Variants in DMD observed in about 807,000 individuals in gnomAD.
The protein encoded by DMD is dystrophin, also known as mutant dystrophin.
DMD carries 63 observed loss-of-function variants against 330.1 expected under a neutral mutation model. The observed-to-expected ratio is 0.19, with a 90% CI of 0.16 to 0.24. The LOEUF (loss-of-function observed/expected upper bound fraction) is 0.24, where lower values mean the gene tolerates loss of function less well. Among genes scored for constraint, DMD ranks in the 10% least tolerant of loss-of-function variants. The pLI, the probability that DMD is intolerant of heterozygous loss-of-function variation, is 1.00. For synonymous variants in DMD, 1,223 were observed against 959.8 expected, an observed-to-expected ratio of 1.27 and a Z score of -5.07; for missense variants, 3,344 against 2,684.1, an observed-to-expected ratio of 1.25 and a Z score of -5.43.
At position 33,249,149 on chromosome X, in the gene DMD, T is replaced by A. The variant is rs753823158; in HGVS notation, c.7+90110A>T. ...CTTTATTATCGCTCAAATTTATTTA[T>A]TTTTATTTATTTATTTTTGAGATGG... On this transcript the variant is annotated intron_variant, in intron 1 of 17. Coordinates refer to the DMD transcript ENST00000288447. Among the ~76,000 whole-genome samples, 5 of 112,418 alleles carry A rather than the reference T, an allele frequency of 4.4e-5. No homozygotes were observed. The South Asian group carries it at 1.8e-3, about 41-fold the overall frequency.
intron 41 of DMD, among the ~76,000 whole-genome samples, chrX:32,321,271 A>C (rs1296876387): frequency 1.8e-5 from 2 of 111,133 alleles, no homozygotes; most frequent in Non-Finnish European, 3.8e-5. Flanking sequence ...ATCACAACTA[A>C]CTGCTACAAT....
At chrX:32,485,250 C>G in intron 20 of DMD, 151 bp from the exon 21 acceptor site, 1 of 530,411 alleles carries the variant, frequency 1.9e-6, no homozygotes, top group South Asian at 2.8e-5. Context: ...ATAGACAAGC[C>G]TCTATCACCA....
Position 32,783,024 on chromosome X carries a change from T to C in DMD, c.649+26469A>G, listed in dbSNP as rs747095278. Among the ~76,000 whole-genome samples, 323 of 103,927 alleles carry C rather than the reference T, an allele frequency of 3.1e-3. 1 individual carries two copies. The highest frequency in any genetic ancestry group is 0.011 in the African/African-American group (310 of 28,757). 90.2% of individuals were successfully genotyped at this position (103,927 alleles called of 115,157 possible). ...ATACACACACACGTATATATACATA[T>C]ATGGTGTGTTTATATATATACACAC... On this transcript the variant is annotated intron_variant, in intron 7 of 78. Coordinates refer to ENST00000357033, the MANE Select transcript of DMD (RefSeq NM_004006.3).
chrX:32,665,069 T>A (rs2061217607), intron 9 of DMD, among the ~76,000 whole-genome samples: 1 of 112,413 alleles, frequency 8.9e-6, no homozygotes, highest in Non-Finnish European at 1.9e-5. Flanking sequence ...ATTTAGGTAG[T>A]ACATATAAGG....
intron 7 of DMD, among the ~76,000 whole-genome samples, chrX:32,787,136 A>G: frequency 9.1e-6 from 1 of 109,883 alleles, no homozygotes; most frequent in Admixed American, 9.8e-5. Flanking sequence ...ATAAGGTACT[A>G]TCATGAACCA....
Position 31,429,261 on chromosome X carries a change from G to A in DMD, c.9084+15220C>T, listed in dbSNP as rs541303382. Among the ~76,000 whole-genome samples, 120 of 112,130 alleles carry A rather than the reference G, an allele frequency of 1.1e-3. 3 individuals carry two copies. The South Asian group carries it at 0.041, about 38-fold the overall frequency. On this transcript the variant is annotated intron_variant, in intron 60 of 78. Coordinates refer to ENST00000357033, the MANE Select transcript of DMD (RefSeq NM_004006.3). ...ACTGGCTAAAAATAACCATTTATCA[G>A]TATTGCTCATGGTTCTGTGAGTTGA... is the stretch of plus-strand genomic sequence containing the variant.
chrX:33,195,532 C>T (rs1052394313), intron 1 of DMD, among the ~76,000 whole-genome samples: 1 of 111,568 alleles, frequency 9.0e-6, no homozygotes, highest in Non-Finnish European at 1.9e-5. Flanking sequence ...AATTGGGGCT[C>T]TTTTTTAACT....
At chrX:32,574,529 A>T (rs185458674) in intron 13 of DMD, among the ~76,000 whole-genome samples, 1 of 111,953 alleles carries the variant, frequency 8.9e-6, no homozygotes, top group Admixed American at 9.5e-5. Flanking sequence ...AGGAAAACAA[A>T]TATTGTGATG....
At chrX:32,193,572 A>G (rs2096985360) in intron 44 of DMD, among the ~76,000 whole-genome samples, 1 of 111,657 alleles carries the variant, frequency 9.0e-6, no homozygotes, top group African/African-American at 3.3e-5. Context: ...CAAGTGCCAG[A>G]AAGCAAATAA....
chrX:32,809,437 T>C, intron 7 of DMD, 56 bp downstream of exon 7: 1 of 1,002,163 alleles, frequency 1.0e-6, no homozygotes, highest in Non-Finnish European at 1.4e-6. Flanking sequence ...AAGTCTCAGA[T>C]GAAAACATTA....
chrX:32,940,787 C>T lies in DMD; in HGVS notation c.93+79352G>A, dbSNP rs769691221. Among the ~76,000 whole-genome samples, 53 of 111,444 alleles carry T rather than the reference C, an allele frequency of 4.8e-4. 1 individual carries two copies. The highest frequency in any genetic ancestry group is 1.0e-3 in the Admixed American group (11 of 10,479). ...ATCCTCAAAAGCAATTGGAGCAAAA[C>T]CAAAAAATTGACAAGCGAGACCTAA... On this transcript the variant is annotated intron_variant, in intron 2 of 78. Transcript: ENST00000357033.
At chrX:31,377,545 C>T (rs936966735) in intron 60 of DMD, among the ~76,000 whole-genome samples, 2 of 112,187 alleles carry the variant, frequency 1.8e-5, no homozygotes, top group Non-Finnish European at 3.8e-5. Context: ...AGTTAACTAT[C>T]GAGAGTCAGC....
intron 43 of DMD, among the ~76,000 whole-genome samples, chrX:32,220,213 C>G (rs2097127626): frequency 9.0e-6 from 1 of 111,301 alleles, no homozygotes; most frequent in Admixed American, 9.6e-5. Context: ...CCCTTCTTCC[C>G]TTTTTCTCTC....
chrX:31,536,740 T>C lies in DMD; in HGVS notation c.8218-29287A>G, dbSNP rs1426578245. ...CTTCCCTTCTCCCCTGATGTTGTAATAGAAGCTGTACTTTCCTTCCTATCT... is the reference window on the plus strand; with the variant it reads ...CTTCCCTTCTCCCCTGATGTTGTAACAGAAGCTGTACTTTCCTTCCTATCT... On this transcript the variant is annotated intron_variant, in intron 55 of 78. Transcript: ENST00000357033. Among the ~76,000 whole-genome samples the C allele has an allele frequency of 2.7e-5, 3 of 111,850 alleles. No homozygotes were observed. In the Admixed American group the frequency reaches 2.9e-4, roughly 11 times the overall value.
chrX:31,397,980 G>A (rs1019367097), intron 60 of DMD, among the ~76,000 whole-genome samples: 6 of 112,546 alleles, frequency 5.3e-5, no homozygotes, highest in Non-Finnish European at 9.4e-5. Flanking sequence ...TTGACCTTGC[G>A]TAAGGGAGAG....
intron 33 of DMD, among the ~76,000 whole-genome samples, chrX:32,385,788 G>T (rs1483600910): frequency 9.1e-6 from 1 of 110,126 alleles, no homozygotes; most frequent in Non-Finnish European, 1.9e-5. Flanking sequence ...TATTAGCCAA[G>T]TGTGGTAGAT....
At chrX:32,776,216 G>A (rs1335088235) in intron 7 of DMD, among the ~76,000 whole-genome samples, 2 of 110,263 alleles carry the variant, frequency 1.8e-5, no homozygotes, top group African/African-American at 6.6e-5. Context: ...TCAACATTGT[G>A]GTCAAAGCCA....
At position 32,809,553 on chromosome X, in the gene DMD, C is replaced by G; in HGVS notation, c.589G>C (p.Glu197Gln). 1 of 1,210,983 alleles carries G rather than the reference C, an allele frequency of 8.3e-7. No individual in the cohort carries two copies. The highest frequency in any genetic ancestry group is 1.1e-6 in the Non-Finnish European group (1 of 895,258). Residue 197 changes from glutamate to glutamine, a missense_variant, in exon 7 of 79, where the codon GAA becomes CAA. Physicochemically the swap from Glu to Gln is conservative, Grantham distance 29. Transcript: ENST00000357033. ...TATCTGGCGATGTTGAATGCATGTT[C>G]CAGTCGTTGTGTGGCTGACTGCTGG... ...VCQQSATQRL[E>Q]HAFNIARYQL...
intron 60 of DMD, among the ~76,000 whole-genome samples, chrX:31,422,299 C>T (rs965874896): frequency 2.7e-5 from 3 of 110,668 alleles, no homozygotes; most frequent in East Asian, 5.7e-4. Context: ...CATGGGCCAC[C>T]GCACCTGGCC....
Sources: allele counts gnomAD v4.1 joint callset (sites outside exome capture counted in the v4.1 genomes callset), GRCh38; gene constraint gnomAD v4.1.1; transcripts MANE v1.5; gene names NCBI Gene and HGNC (gene_info 2026-07-23, HGNC 2026-07-21).